Variants in TRIM33 observed in about 807,000 individuals in gnomAD.
The protein encoded by TRIM33 is tripartite motif containing 33.
Under a neutral mutation model 125.4 loss-of-function variants are expected in TRIM33, and 20 were observed. The ratio of observed to expected loss-of-function variants is 0.16; its 90% CI spans 0.11 to 0.23. The LOEUF is 0.23. TRIM33 is among the 10% of genes least tolerant of loss of function. The probability of loss-of-function intolerance (pLI) is 1.00; values close to 1 mark genes in which losing one functional copy is unlikely to be tolerated. For synonymous variants in TRIM33, 564 were observed against 513.9 expected (o/e 1.10, Z -1.32); for missense variants, 920 against 1,411.4 (o/e 0.65, Z 5.58).
At chr1:114,493,221 G>C (rs1235316012) in intron 1 of TRIM33, among the ~76,000 whole-genome samples, 1 of 152,102 alleles carries the variant, frequency 6.6e-6, no homozygotes, top group Non-Finnish European at 1.5e-5. Flanking sequence ...TGTCTATTCA[G>C]ATCTTTTGCC....
chr1:114,484,031 C>T (rs1651519319), intron 1 of TRIM33, among the ~76,000 whole-genome samples: 1 of 152,122 alleles, frequency 6.6e-6, no homozygotes. Flanking sequence ...AAATTTGAGA[C>T]ACATCTGGGT....
At chr1:114,484,308 C>T (rs908286179) in intron 1 of TRIM33, among the ~76,000 whole-genome samples, 1 of 152,082 alleles carries the variant, frequency 6.6e-6, no homozygotes, top group Middle Eastern at 3.4e-3. Flanking sequence ...TTTACTTTTT[C>T]TAAATAATTT....
chr1:114,410,417 A>T, intron 11 of TRIM33, 101 bp from the exon 12 acceptor site: 2 of 1,169,632 alleles, frequency 1.7e-6, no homozygotes, highest in Non-Finnish European at 2.4e-6. Flanking sequence ...AAACTAACAG[A>T]TTATCCAATA....
At chr1:114,452,128 C>T (rs1649349155) in intron 4 of TRIM33, among the ~76,000 whole-genome samples, 1 of 151,752 alleles carries the variant, frequency 6.6e-6, no homozygotes, top group Non-Finnish European at 1.5e-5. Context: ...CAATAAAGAC[C>T]ACAAACTTAT....
Position 114,396,674 on chromosome 1 carries a change from A to C in TRIM33, c.*974T>G, listed in dbSNP as rs1052699288. Reference sequence around the variant, plus strand: ...CAAAAGTTTTAGTTCACTATTTACAAATAAGACAAAGTGAAATACAGAAAA... The same window carrying C: ...CAAAAGTTTTAGTTCACTATTTACACATAAGACAAAGTGAAATACAGAAAA... On this transcript the variant is annotated 3_prime_UTR_variant, in exon 20 of 20. Coordinates refer to ENST00000358465, the MANE Select transcript of TRIM33 (RefSeq NM_015906.4). The C allele has an allele frequency of 4.9e-6, 1 of 204,078 alleles. No individual in the cohort carries two copies. The highest frequency in any genetic ancestry group is 2.3e-5 in the African/African-American group (1 of 43,720). The allele number at this position is 204,078 out of a possible 1,614,324, so 12.6% of individuals were successfully genotyped here.
intron 1 of TRIM33, among the ~76,000 whole-genome samples, chr1:114,477,521 C>G (rs569169891): frequency 1.1e-4 from 17 of 152,230 alleles, no homozygotes; most frequent in African/African-American, 4.1e-4. Flanking sequence ...CTTAGTTTCC[C>G]CTTTGCAAAA....
chr1:114,485,799 C>T (rs752736117), intron 1 of TRIM33, among the ~76,000 whole-genome samples: 4 of 152,116 alleles, frequency 2.6e-5, no homozygotes, highest in Non-Finnish European at 4.4e-5. Context: ...TAAATAGAAT[C>T]GCAAGTCTCA....
intron 4 of TRIM33, among the ~76,000 whole-genome samples, chr1:114,442,687 CAAAAAAAAAAA>C (rs34847018): frequency 6.8e-5 from 5 of 73,870 alleles, no homozygotes; most frequent in African/African-American, 2.5e-4. Context: ...GACTCTGTCT[CAAAAAAAAAAA>C]AAAAAAGAAA....
rs558885220 is a variant in TRIM33, at chr1:114,445,679, G to A, written c.924-11946C>T. Among the ~76,000 whole-genome samples the A allele has an allele frequency of 7.7e-4, 117 of 152,204 alleles. No homozygotes were observed. In the Middle Eastern group the frequency reaches 0.027, roughly 35 times the overall value. On this transcript the variant is annotated intron_variant, in intron 4 of 19. Transcript: ENST00000358465. Reference sequence around the variant, plus strand: ...AAAAGGGAAAGGCCAAAGAAAAAGAGGAAATCTTGAAAGCAGCCAGAGAAA... The same window carrying A: ...AAAAGGGAAAGGCCAAAGAAAAAGAAGAAATCTTGAAAGCAGCCAGAGAAA...
intron 1 of TRIM33, among the ~76,000 whole-genome samples, chr1:114,486,675 GAAAAGA>G (rs1651719199): frequency 6.6e-6 from 1 of 151,278 alleles, no homozygotes. Flanking sequence ...CAAAAGAAAA[GAAAAGA>G]AAAACAGAAC....
chr1:114,484,660 C>T (rs949548526), intron 1 of TRIM33, among the ~76,000 whole-genome samples: 3 of 152,020 alleles, frequency 2.0e-5, no homozygotes, highest in Non-Finnish European at 2.9e-5. Flanking sequence ...CTCAGGAGTT[C>T]GAAACCAGCC....
At chr1:114,465,770 G>A (rs888814755) in intron 1 of TRIM33, among the ~76,000 whole-genome samples, 9 of 152,106 alleles carry the variant, frequency 5.9e-5, no homozygotes, top group African/African-American at 1.7e-4. Context: ...AGCCGGGCGC[G>A]GTGGCTCACG....
chr1:114,484,187 A>G (rs1167328648), intron 1 of TRIM33, among the ~76,000 whole-genome samples: 1 of 152,218 alleles, frequency 6.6e-6, no homozygotes, highest in Admixed American at 6.5e-5. Context: ...GTTGTTTCAA[A>G]TTTTATAATA....
At chr1:114,415,921 C>T (rs1192812527) in intron 11 of TRIM33, among the ~76,000 whole-genome samples, 1 of 142,772 alleles carries the variant, frequency 7.0e-6, no homozygotes, top group East Asian at 2.0e-4. Context: ...CACTACACTC[C>T]AGCCTGAGCA....
At position 114,411,668 on chromosome 1, in the gene TRIM33, T is replaced by G. The variant is rs1205591213; in HGVS notation, c.2062-1352A>C. 2.0e-5 allele frequency among the ~76,000 whole-genome samples: 3 copies of G among 152,242 alleles called. No homozygotes were observed. In the East Asian group the frequency reaches 5.8e-4, roughly 29 times the overall value. ...TACTCCTCACCTGCAATTTGTATCTTTTGCTAGAAAGATAACTCTAAGGGT... is the reference window on the plus strand; with the variant it reads ...TACTCCTCACCTGCAATTTGTATCTGTTGCTAGAAAGATAACTCTAAGGGT... On this transcript the variant is annotated intron_variant, in intron 11 of 19. Transcript: ENST00000358465.
intron 4 of TRIM33, among the ~76,000 whole-genome samples, chr1:114,453,216 T>C (rs559868762): frequency 1.3e-4 from 19 of 151,856 alleles, no homozygotes; most frequent in African/African-American, 4.3e-4. Context: ...ATACAAAAAT[T>C]AGCCAGGCGT....
chr1:114,488,222 G>A (rs1314348402), intron 1 of TRIM33, among the ~76,000 whole-genome samples: 1 of 151,784 alleles, frequency 6.6e-6, no homozygotes, highest in African/African-American at 2.4e-5. Flanking sequence ...AAATAAAGAC[G>A]GAATCTTAAA....
chr1:114,395,618 G>T lies in TRIM33; in HGVS notation c.*2030C>A, dbSNP rs1553203646. On this transcript the variant is annotated 3_prime_UTR_variant, in exon 20 of 20. Coordinates refer to ENST00000358465, the MANE Select transcript of TRIM33 (RefSeq NM_015906.4). ...TACAAACTGAAATCATGGATTTTGTGAAAAAAGAGGGAAATTGGCATAGGC... is the reference window on the plus strand; with the variant it reads ...TACAAACTGAAATCATGGATTTTGTTAAAAAAGAGGGAAATTGGCATAGGC... 1 of 198,578 alleles carries T rather than the reference G, an allele frequency of 5.0e-6. No homozygotes were observed. The highest frequency in any genetic ancestry group is 1.0e-5 in the Non-Finnish European group (1 of 96,136). The allele number at this position is 198,578 out of a possible 1,614,324, so 12.3% of individuals were successfully genotyped here.
chr1:114,431,173 T>C (rs575813624), intron 5 of TRIM33, among the ~76,000 whole-genome samples: 1 of 152,374 alleles, frequency 6.6e-6, no homozygotes, highest in South Asian at 2.1e-4. Context: ...GGCAATCTAC[T>C]TAAGTAACTA....
Sources: allele counts gnomAD v4.1 joint callset (sites outside exome capture counted in the v4.1 genomes callset), GRCh38; gene constraint gnomAD v4.1.1; transcripts MANE v1.5; gene names NCBI Gene and HGNC (gene_info 2026-07-23, HGNC 2026-07-21).